Variants in TET2 observed in about 807,000 individuals in gnomAD.
The protein encoded by TET2 is tet methylcytosine dioxygenase 2.
Under a neutral mutation model 142.9 loss-of-function variants are expected in TET2, and 299 were observed. The ratio of observed to expected loss-of-function variants is 2.09; its 90% CI spans 1.90 to 2.30. TET2 has a LOEUF of 2.30. Among genes scored for constraint, TET2 ranks in the 30% most tolerant of loss-of-function variants. The probability of loss-of-function intolerance (pLI) is 0.00; values close to 1 mark genes in which losing one functional copy is unlikely to be tolerated. For synonymous variants in TET2, 819 were observed against 849.0 expected, an observed-to-expected ratio of 0.96 and a Z score of 0.61; for missense variants, 2,418 against 2,378.0, an observed-to-expected ratio of 1.02 and a Z score of -0.35.
chr4:105,241,036 A>G (rs1282966649), intron 3 of TET2: 2 of 1,062,710 alleles, frequency 1.9e-6, no homozygotes, highest in East Asian at 9.5e-5. Flanking sequence ...TACTACATAT[A>G]ATACATTCTA....
intron 2 of TET2, among the ~76,000 whole-genome samples, chr4:105,211,438 A>C (rs1183436166): frequency 6.6e-6 from 1 of 152,212 alleles, no homozygotes; most frequent in East Asian, 1.9e-4. Flanking sequence ...TAAATAAATA[A>C]ATAGATGAAA....
At chr4:105,273,796 A>G (rs1334217429) in intron 10 of TET2, among the ~76,000 whole-genome samples, 1 of 152,212 alleles carries the variant, frequency 6.6e-6, no homozygotes, top group Non-Finnish European at 1.5e-5. Flanking sequence ...ATTATGCTAC[A>G]AAACTTTTAC....
At chr4:105,224,617 A>C (rs963268812) in intron 2 of TET2, among the ~76,000 whole-genome samples, 1 of 151,764 alleles carries the variant, frequency 6.6e-6, no homozygotes, top group Non-Finnish European at 1.5e-5. Context: ...AACTGAGATA[A>C]ACATGCTTCA....
chr4:105,234,537 T>C lies in TET2; in HGVS notation c.595T>C (p.Leu199=). The C allele has an allele frequency of 6.2e-7, 1 of 1,614,120 alleles. No individual in the cohort carries two copies. The highest frequency in any genetic ancestry group is 1.3e-5 in the African/African-American group (1 of 75,038). The change falls in exon 3 of 11, where the codon TTA becomes CTA. Residue 199 remains leucine, a synonymous_variant. Transcript: ENST00000380013. ...SANYHDKNIV[L]LKNKAVLMPN... ...TAATTACCATGACAAGAACATTGTA[T>C]TACTTAAAAACAAGGCAGTGCTAAT...
intron 2 of TET2, among the ~76,000 whole-genome samples, chr4:105,224,693 T>TCTCTCTCTCA (rs1728072355): frequency 7.5e-6 from 1 of 133,966 alleles, no homozygotes; most frequent in Non-Finnish European, 1.6e-5. Context: ...AGTCTCTCTC[T>TCTCTCTCTCA]CTCTCTCTCT....
rs144422103 is a variant in TET2 at position 105,235,048 on chromosome 4, G to A, written c.1106G>A (p.Arg369Gln). Residue 369 changes from arginine (R) to glutamine (Q), a missense_variant, in exon 3 of 11, where the codon CGG becomes CAG. Arg to Gln is a conservative substitution (Grantham distance 43, BLOSUM62 1). Coordinates refer to ENST00000380013, the MANE Select transcript of TET2 (RefSeq NM_001127208.3). The part of the protein sequence containing the change: ...NLQAPGGSSE[R>Q]YLKQNEMNGA... ...CAAGCTCCTGGTGGCAGCTCTGAAC[G>A]GTATTTAAAACAAAATGAAATGAAT... 10 of 1,614,040 alleles carry A rather than the reference G, an allele frequency of 6.2e-6. No homozygotes were observed. The highest frequency in any genetic ancestry group is 4.5e-5 in the East Asian group (2 of 44,864).
Position 105,276,562 on chromosome 4 carries a change from A to G in TET2, c.*43A>G, listed in dbSNP as rs1460157474. On this transcript the variant is annotated 3_prime_UTR_variant, in exon 11 of 11. Transcript: ENST00000380013. ...GGTTACCTCACTTGAAAAGACCACA[A>G]CCAACCTGTCAGTAGTATAGTTCTC... The G allele has an allele frequency of 4.6e-6, 7 of 1,521,844 alleles. No homozygotes were observed. The Admixed American group carries it at 1.5e-4, about 32-fold the overall frequency. 94.3% of individuals were successfully genotyped at this position (1,521,844 alleles called of 1,614,324 possible).
intron 1 of TET2, among the ~76,000 whole-genome samples, chr4:105,173,583 G>C (rs1021425316): frequency 6.6e-6 from 1 of 151,934 alleles, no homozygotes; most frequent in African/African-American, 2.4e-5. Flanking sequence ...AGAAGAATGA[G>C]TCATTTTAGT....
At chr4:105,220,866 T>C (rs976240421) in intron 2 of TET2, among the ~76,000 whole-genome samples, 4 of 152,148 alleles carry the variant, frequency 2.6e-5, no homozygotes, top group African/African-American at 7.2e-5. Flanking sequence ...ACAGTCTCTT[T>C]CTGCTGGGGC....
Position 105,259,672 on chromosome 4 carries a change from CT to C in TET2, c.3861del (p.Phe1287LeufsTer76). 1.3e-6 allele frequency: 2 copies of C among 1,551,192 alleles called. No homozygotes were observed. The highest frequency in any genetic ancestry group is 1.7e-6 in the Non-Finnish European group (2 of 1,146,590). On this transcript the variant is annotated frameshift_variant, in exon 7 of 11. Coordinates refer to ENST00000380013, the MANE Select transcript of TET2 (RefSeq NM_001127208.3). LOFTEE classifies it high-confidence loss of function. ...LDPETCGASF[S>X]FGCSWSMYYN... Reference sequence around the variant, plus strand: ...CCAGAAACCTGTGGTGCCTCCTTCTCTTTTGGTTGTTCATGGAGCATGTACT... The same window carrying C: ...CCAGAAACCTGTGGTGCCTCCTTCTCTTTGGTTGTTCATGGAGCATGTACT...
chr4:105,234,874 T>C lies in TET2; in HGVS notation c.932T>C (p.Leu311Pro), dbSNP rs1728743119. The change falls in exon 3 of 11, where the codon CTA becomes CCA. Residue 311 changes from leucine (L) to proline (P), a missense_variant. Physicochemically the swap from Leu to Pro is moderately conservative, Grantham distance 98 (BLOSUM62 -3). Transcript: ENST00000380013. ...AATGCCAGTAAACTAGCTGCAATGC[T>C]AAATACCTGTTCCTTTCAGAAACCA... is the stretch of plus-strand genomic sequence containing the variant. ...ADNASKLAAM[L>P]NTCSFQKPEQ... 6.2e-7 allele frequency: 1 copy of C among 1,613,982 alleles called. No homozygotes were observed. The highest frequency in any genetic ancestry group is 8.5e-7 in the Non-Finnish European group (1 of 1,180,022).
chr4:105,234,285 G>C lies in TET2; in HGVS notation c.343G>C (p.Asp115His). Residue 115 changes from aspartate to histidine, a missense_variant, in exon 3 of 11, where the codon GAC becomes CAC. By Grantham distance (81) the Asp-to-His change is moderately conservative. Coordinates refer to ENST00000380013, the MANE Select transcript of TET2 (RefSeq NM_001127208.3). The stretch of plus-strand genomic sequence containing the variant: ...CCTTCAGATCAAGAAATTGAAACAA[G>C]ACCAAAAGGCTAATGGAGAAAGACG... ...GLLQIKKLKQ[D>H]QKANGERRNF... The C allele has an allele frequency of 6.2e-7, 1 of 1,614,070 alleles. No homozygotes were observed.
intron 4 of TET2, chr4:105,241,913 A>G (rs1729323462): frequency 1.6e-6 from 2 of 1,243,786 alleles, no homozygotes; most frequent in East Asian, 6.3e-5. Context: ...TTGAATAGAA[A>G]GAGAAACATA....
Position 105,234,989 on chromosome 4 carries a change from TG to T in TET2, c.1048del (p.Glu350LysfsTer22). 1 of 1,614,022 alleles carries T rather than the reference TG, an allele frequency of 6.2e-7. No individual in the cohort carries two copies. The highest frequency in any genetic ancestry group is 1.1e-5 in the South Asian group (1 of 91,056). On this transcript the variant is annotated frameshift_variant, in exon 3 of 11. Coordinates refer to ENST00000380013, the MANE Select transcript of TET2 (RefSeq NM_001127208.3). LOFTEE classifies it high-confidence loss of function. ...IQGTTKLASG[E>X]EFCSGSSSNL... Reference sequence around the variant, plus strand: ...AGGGAACCACAAAGCTAGCGTCTGGTGAAGAATTCTGTTCAGGTTCCAGCAG... The same window carrying T: ...AGGGAACCACAAAGCTAGCGTCTGGTAAGAATTCTGTTCAGGTTCCAGCAG...
chr4:105,235,570 GT>G lies in TET2; in HGVS notation c.1629del (p.Arg544GlufsTer17). The G allele has an allele frequency of 6.2e-7, 1 of 1,614,162 alleles. No homozygotes were observed. Among genetic ancestry groups the G allele is most frequent in the Non-Finnish European group, 8.5e-7 (1 of 1,180,020 alleles). On this transcript the variant is annotated frameshift_variant, in exon 3 of 11. Coordinates refer to ENST00000380013, the MANE Select transcript of TET2 (RefSeq NM_001127208.3). LOFTEE classifies it high-confidence loss of function. The part of the protein sequence containing the change: ...MRNKEQEILK[G>X]RDKEQTRDLV... ...AACAAAGAGCAAGAGATTCTGAAGG[GT>G]CGAGACAAGGAGCAAACACGAGATC...
chr4:105,263,820 A>G (rs1730557944), intron 8 of TET2, among the ~76,000 whole-genome samples: 1 of 152,140 alleles, frequency 6.6e-6, no homozygotes, highest in Non-Finnish European at 1.5e-5. Context: ...AGAGAAGCCA[A>G]TGAAGTAAGA....
chr4:105,274,873 A>G (rs1731121661), intron 10 of TET2, among the ~76,000 whole-genome samples, 175 bp from the exon 11 acceptor site: 1 of 152,166 alleles, frequency 6.6e-6, no homozygotes. Flanking sequence ...GCCTTAGACA[A>G]AAAATTGTGC....
Position 105,233,885 on chromosome 4 carries a change from C to T in TET2, c.-46-12C>T. 10 of 1,431,716 alleles carry T rather than the reference C, an allele frequency of 7.0e-6. No homozygotes were observed. Among genetic ancestry groups the T allele is most frequent in the South Asian group, 2.7e-5 (2 of 75,298 alleles). 88.7% of individuals were successfully genotyped at this position (1,431,716 alleles called of 1,614,324 possible). A position where few individuals can be genotyped will look rare whatever the true frequency, so the allele number is the denominator to read the frequency against. ...ATAAACACATTTTAATTTTTGTTTC[C>T]ATGCTCTTTAGAATTCAACTAGAGG... is the stretch of plus-strand genomic sequence containing the variant. On this transcript the variant is annotated splice_polypyrimidine_tract_variant and intron_variant, in intron 2 of 10. Transcript: ENST00000380013.
intron 3 of TET2, chr4:105,240,042 C>T (rs1729206638): frequency 4.2e-6 from 1 of 238,230 alleles, no homozygotes; most frequent in Non-Finnish European, 8.9e-6. Flanking sequence ...CACCATTTAC[C>T]AGATTATGGG....
Sources: gnomAD v4.1 joint callset for allele counts (sites outside exome capture counted in the v4.1 genomes callset) on GRCh38, gnomAD v4.1.1 for gene constraint, MANE v1.5 for transcripts, NCBI Gene and HGNC (gene_info 2026-07-23, HGNC 2026-07-21) for gene names.